The following CMTR2 variants were observed in gnomAD, a reference collection of about 807,000 sequenced individuals.
The protein encoded by CMTR2 is cap-specific mRNA (nucleoside-2'-O-)-methyltransferase 2.
Under a neutral mutation model 49.8 loss-of-function variants are expected in CMTR2, and 40 were observed. The observed-to-expected ratio is 0.80, with a 90% CI of 0.62 to 1.04. CMTR2 has a LOEUF of 1.04. CMTR2 is among the 50% of genes least tolerant of loss of function. CMTR2 has a pLI of 0.00. For missense variants in CMTR2, 907 were observed against 897.2 expected (o/e 1.01, Z -0.14); for synonymous variants, 326 against 315.8 (o/e 1.03, Z -0.34).
rs757805659 is a variant in CMTR2, at chr16:71,284,871, A to G, written c.1050T>C (p.His350=). 2 of 1,614,064 alleles carry G rather than the reference A, an allele frequency of 1.2e-6. No individual in the cohort carries two copies. Among genetic ancestry groups the G allele is most frequent in the Non-Finnish European group, 1.7e-6 (2 of 1,179,964 alleles). ...TCTTAAGAAAAGAATCAGGAATCAC[A>G]TGATGGGGAAAAAGGGCTTTCCTTT... The part of the protein sequence containing the change: ...EMKRKALFPH[H]VIPDSFLKRH... The change falls in exon 3 of 3, where the codon CAT becomes CAC. Residue 350 remains histidine (H), a synonymous_variant. Coordinates refer to ENST00000434935, the MANE Select transcript of CMTR2 (RefSeq NM_018348.6).
intron 2 of CMTR2, chr16:71,286,925 G>T (rs942390490): frequency 1.3e-5 from 2 of 152,058 alleles, no homozygotes; most frequent in Non-Finnish European, 2.9e-5. Context: ...CACTGCCAAA[G>T]AAACCAGAAA....
At chr16:71,287,806 T>C (rs1458468211) in intron 2 of CMTR2, 4 of 152,224 alleles carry the variant, frequency 2.6e-5, no homozygotes, top group African/African-American at 9.6e-5. Flanking sequence ...CTGAGGTGTT[T>C]CCACATTCAC....
Position 71,284,259 on chromosome 16 carries a change from C to G in CMTR2, c.1662G>C (p.Leu554=). 2 of 1,614,094 alleles carry G rather than the reference C, an allele frequency of 1.2e-6. No individual in the cohort carries two copies. Among genetic ancestry groups the G allele is most frequent in the Non-Finnish European group, 1.7e-6 (2 of 1,179,968 alleles). ...SCSCHVFSEE[L]IFSELCSLTE... is the part of the protein sequence containing the mutation. ...TAAGGCTACACAACTCGGAAAATAT[C>G]AGTTCTTCAGAAAAAACATGACAAG... The change falls in exon 3 of 3, where the codon CTG becomes CTC. Residue 554 remains leucine (L), a synonymous_variant. Coordinates refer to ENST00000434935, the MANE Select transcript of CMTR2 (RefSeq NM_018348.6).
chr16:71,284,173 A>G lies in CMTR2; in HGVS notation c.1748T>C (p.Val583Ala), dbSNP rs2041668781. 6.2e-7 allele frequency: 1 copy of G among 1,613,984 alleles called. No homozygotes were observed. The highest frequency in any genetic ancestry group is 1.3e-5 in the African/African-American group (1 of 75,024). The change falls in exon 3 of 3, where the codon GTG becomes GCG. Residue 583 changes from valine to alanine, a missense_variant. Val to Ala is a moderately conservative substitution (Grantham distance 64). Transcript: ENST00000434935. ...VPSNQIKCLL[V>A]GFSTLRNIKM... ...GATATTACGGAGAGTCGAAAAGCCC[A>G]CCAGCAGGCACTTTATTTGATTGCT...
In CMTR2 at chr16:71,285,382, G is replaced by A; in HGVS notation, c.539C>T (p.Ala180Val). The change falls in exon 3 of 3, where the codon GCA becomes GTA. Residue 180 changes from alanine (A) to valine (V), a missense_variant. Coordinates refer to ENST00000434935, the MANE Select transcript of CMTR2 (RefSeq NM_018348.6). ...CATAATCATCATGAGGTCGTCATTT[G>A]CTTCATGGTATGGATTCAGAGTATT... ...VANTLNPYHE[A>V]NDDLMMIMDD... is the part of the protein sequence containing the mutation. The A allele has an allele frequency of 6.2e-7, 1 of 1,614,002 alleles. No individual in the cohort carries two copies. The highest frequency in any genetic ancestry group is 8.5e-7 in the Non-Finnish European group (1 of 1,179,860).
Position 71,282,253 on chromosome 16 carries a change from ATTTTT to A in CMTR2, c.*1350_*1354del, listed in dbSNP as rs2083508620. ...TTAAAAATGTCTGTTTCCAACTTATATTTTTAACTTCTCCCATAATTCCATTTAAA... is the reference window on the plus strand; with the variant it reads ...TTAAAAATGTCTGTTTCCAACTTATAAACTTCTCCCATAATTCCATTTAAA... On this transcript the variant is annotated 3_prime_UTR_variant, in exon 3 of 3. Coordinates refer to ENST00000434935, the MANE Select transcript of CMTR2 (RefSeq NM_018348.6). 6.6e-6 allele frequency: 1 copy of A among 152,120 alleles called. No homozygotes were observed. The highest frequency in any genetic ancestry group is 1.5e-5 in the Non-Finnish European group (1 of 67,954). 9.4% of individuals were successfully genotyped at this position (152,120 alleles called of 1,614,324 possible). A position where few individuals can be genotyped will look rare whatever the true frequency, so the allele number is the denominator to read the frequency against.
In CMTR2 at chr16:71,284,376, A is replaced by C. The variant is rs745375782; in HGVS notation, c.1545T>G (p.Ile515Met). 1.9e-6 allele frequency: 3 copies of C among 1,613,508 alleles called. No individual in the cohort carries two copies. The South Asian group carries it at 3.3e-5, about 18-fold the overall frequency. ...VKCSPFCNGE[I>M]LKTLNEAIEK... ...CAATTGCTTCATTAAGAGTTTTTAAAATTTCACCATTGCAAAAAGGAGAAC... is the reference window on the plus strand; with the variant it reads ...CAATTGCTTCATTAAGAGTTTTTAACATTTCACCATTGCAAAAAGGAGAAC... Residue 515 changes from isoleucine to methionine, a missense_variant, in exon 3 of 3, where the codon ATT (isoleucine) becomes ATG (methionine). Transcript: ENST00000434935.
rs1246702854 is a variant in CMTR2 at position 71,283,804 on chromosome 16, T to C, written c.2117A>G (p.Asn706Ser). The change falls in exon 3 of 3, where the codon AAT (asparagine) becomes AGT (serine). Residue 706 changes from asparagine (N) to serine (S), a missense_variant. Coordinates refer to ENST00000434935, the MANE Select transcript of CMTR2 (RefSeq NM_018348.6). ...NPVFRYLQSV[N>S]ELLSTLLNSD... The stretch of plus-strand genomic sequence containing the variant: ...GTTGAGCAAAGTGCTCAACAATTCA[T>C]TCACACTCTGCAAATATCGGAAAAC... The C allele has an allele frequency of 1.9e-6, 3 of 1,614,002 alleles. No homozygotes were observed. The South Asian group carries it at 3.3e-5, about 18-fold the overall frequency.
rs2041669759 is a variant in CMTR2 at position 71,284,198 on chromosome 16, T to C, written c.1723A>G (p.Ser575Gly). ...CLQDEQVVVP[S>G]NQIKCLLVGF... ...ACCAGCAGGCACTTTATTTGATTGCTGGGTACTACAACCTGCTCATCCTGA... is the reference window on the plus strand; with the variant it reads ...ACCAGCAGGCACTTTATTTGATTGCCGGGTACTACAACCTGCTCATCCTGA... Residue 575 changes from serine (S) to glycine (G), a missense_variant, in exon 3 of 3, where the codon AGC becomes GGC. By Grantham distance (56) the Ser-to-Gly change is moderately conservative. Coordinates refer to ENST00000434935, the MANE Select transcript of CMTR2 (RefSeq NM_018348.6). The C allele has an allele frequency of 1.2e-6, 2 of 1,614,056 alleles. No homozygotes were observed. The highest frequency in any genetic ancestry group is 1.1e-5 in the South Asian group (1 of 91,066).
chr16:71,288,792 G>T (rs1247405766), intron 2 of CMTR2, 86 bp downstream of exon 2: 1 of 152,040 alleles, frequency 6.6e-6, no homozygotes, highest in Non-Finnish European at 1.5e-5. Context: ...TTCTCATATT[G>T]CAAACTCAAG....
rs1297508887 is a variant in CMTR2 at position 71,285,105 on chromosome 16, A to C, written c.816T>G (p.Phe272Leu). 1 of 1,614,146 alleles carries C rather than the reference A, an allele frequency of 6.2e-7. No homozygotes were observed. The highest frequency in any genetic ancestry group is 8.5e-7 in the Non-Finnish European group (1 of 1,179,978). Reference protein sequence around the residue: ...ALTTLGNGGSFVLKMFTMFEH... With the variant: ...ALTTLGNGGSLVLKMFTMFEH... ...CAAACATAGTAAACATCTTTAGAAC[A>C]AAAGAGCCACCGTTTCCAAGAGTGG... is the stretch of plus-strand genomic sequence containing the variant. Residue 272 changes from phenylalanine (F) to leucine (L), a missense_variant, in exon 3 of 3, where the codon TTT becomes TTG. Coordinates refer to ENST00000434935, the MANE Select transcript of CMTR2 (RefSeq NM_018348.6).
chr16:71,288,828 A>T (rs970774384), intron 2 of CMTR2, 50 bp downstream of exon 2: 1 of 152,152 alleles, frequency 6.6e-6, no homozygotes, highest in Admixed American at 6.5e-5. Context: ...CCCCCGCCCA[A>T]ATTAGTGAAC....
intron 2 of CMTR2, chr16:71,287,876 C>T (rs1279669923): frequency 6.6e-6 from 1 of 152,064 alleles, no homozygotes; most frequent in African/African-American, 2.4e-5. Flanking sequence ...TGTCTTAATT[C>T]GCATTGTGCT....
Position 71,283,410 on chromosome 16 carries a change from C to G in CMTR2, c.*198G>C. On this transcript the variant is annotated 3_prime_UTR_variant, in exon 3 of 3. Coordinates refer to ENST00000434935, the MANE Select transcript of CMTR2 (RefSeq NM_018348.6). ...ATCTATCATTGCATAGATTCCACCA[C>G]GTGGAAGAGCTCTATGCCTGTGGGT... 2 of 608,776 alleles carry G rather than the reference C, an allele frequency of 3.3e-6. No homozygotes were observed. Among genetic ancestry groups the G allele is most frequent in the Non-Finnish European group, 5.7e-6 (2 of 353,120 alleles). The allele number at this position is 608,776 out of a possible 1,614,324, so 37.7% of individuals were successfully genotyped here.
intron 2 of CMTR2, chr16:71,287,070 C>A (rs2041739674): frequency 6.6e-6 from 1 of 152,076 alleles, no homozygotes; most frequent in Admixed American, 6.5e-5. Context: ...CAATGTTAAT[C>A]AATAGATGCT....
intron 2 of CMTR2, among the ~76,000 whole-genome samples, chr16:71,286,202 TA>T (rs35977151): frequency 2.0e-5 from 3 of 148,516 alleles, no homozygotes; most frequent in South Asian, 2.1e-4. Flanking sequence ...TTCTTCTCAT[TA>T]AAAAAAAAAG....
chr16:71,287,077 T>C (rs900586343), intron 2 of CMTR2: 3 of 152,156 alleles, frequency 2.0e-5, no homozygotes, highest in African/African-American at 7.2e-5. Flanking sequence ...AATCAATAGA[T>C]GCTTTAGTTC....
At chr16:71,288,591 A>G (rs376716764) in intron 2 of CMTR2, 2 of 152,142 alleles carry the variant, frequency 1.3e-5, no homozygotes, top group African/African-American at 4.8e-5. Flanking sequence ...CAGGTTCTGA[A>G]TATGAGTCAT....
At chr16:71,288,531 C>A (rs2041770558) in intron 2 of CMTR2, 3 of 151,976 alleles carry the variant, frequency 2.0e-5, no homozygotes, top group African/African-American at 7.3e-5. Context: ...CTCAGTATTA[C>A]TGAATAAATG....
Sources: gnomAD v4.1 joint callset for allele counts (sites outside exome capture counted in the v4.1 genomes callset) on GRCh38, gnomAD v4.1.1 for gene constraint, MANE v1.5 for transcripts, NCBI Gene and HGNC (gene_info 2026-07-23, HGNC 2026-07-21) for gene names.